The following FSTL5 variants were observed in gnomAD, a reference collection of about 807,000 sequenced individuals.
FSTL5 encodes follistatin-related protein 5.
In FSTL5, 62 loss-of-function variants were observed where a neutral mutation model predicts 89.1. That is an observed-to-expected ratio of 0.70 (90% CI 0.57 to 0.86). The LOEUF is 0.86. Ranked by LOEUF, FSTL5 falls within the 40% of genes least tolerant of loss-of-function variation. The pLI is 0.00. For missense variants in FSTL5, 1,057 were observed against 1,001.6 expected (o/e 1.06, Z -0.75); for synonymous variants, 383 against 346.2 (o/e 1.11, Z -1.18).
chr4:161,652,684 T>G (rs1248340453), intron 7 of FSTL5, among the ~76,000 whole-genome samples: 1 of 152,000 alleles, frequency 6.6e-6, no homozygotes, highest in African/African-American at 2.4e-5. Context: ...AATATAAAAA[T>G]GAGGGGATAC....
intron 3 of FSTL5, among the ~76,000 whole-genome samples, chr4:162,032,198 T>G (rs189572730): frequency 2.2e-4 from 34 of 152,254 alleles, no homozygotes; most frequent in African/African-American, 8.2e-4. Flanking sequence ...TAAAATAAGT[T>G]ATTGTATTTT....
intron 6 of FSTL5, among the ~76,000 whole-genome samples, chr4:161,711,351 A>C (rs971622560): frequency 3.3e-5 from 5 of 152,220 alleles, no homozygotes; most frequent in Admixed American, 3.3e-4. Context: ...TAAAGAAAAC[A>C]AAAAGAATTG....
chr4:162,071,319 G>T (rs1183271183), intron 2 of FSTL5, among the ~76,000 whole-genome samples: 1 of 151,402 alleles, frequency 6.6e-6, no homozygotes, highest in Non-Finnish European at 1.5e-5. Flanking sequence ...CATGCAAATG[G>T]AAATCAAAAG....
chr4:162,159,144 T>C (rs1279368307), intron 1 of FSTL5, among the ~76,000 whole-genome samples: 1 of 152,070 alleles, frequency 6.6e-6, no homozygotes, highest in African/African-American at 2.4e-5. Flanking sequence ...TAATAATAAC[T>C]CAAGAGACAA....
intron 3 of FSTL5, among the ~76,000 whole-genome samples, chr4:162,030,710 T>C (rs903093619): frequency 6.6e-5 from 10 of 152,226 alleles, no homozygotes; most frequent in East Asian, 1.9e-4. Context: ...CATAAATCTT[T>C]TAAATTATTT....
At chr4:161,796,636 GT>G (rs1162858753) in intron 4 of FSTL5, among the ~76,000 whole-genome samples, 2 of 151,184 alleles carry the variant, frequency 1.3e-5, no homozygotes, top group African/African-American at 2.4e-5. Flanking sequence ...TTTCCAGAAA[GT>G]TTTTTTCATT....
At chr4:161,425,284 T>C (rs1032780412) in intron 15 of FSTL5, among the ~76,000 whole-genome samples, 19 of 152,198 alleles carry the variant, frequency 1.2e-4, no homozygotes, top group African/African-American at 4.3e-4. Flanking sequence ...AATATATATA[T>C]ATCTCCAGAA....
chr4:161,908,347 C>G (rs890401974), intron 4 of FSTL5, among the ~76,000 whole-genome samples: 1 of 151,906 alleles, frequency 6.6e-6, no homozygotes, highest in Non-Finnish European at 1.5e-5. Context: ...GACACACATA[C>G]GAACATACTT....
At chr4:161,774,703 A>G (rs754687621) in intron 5 of FSTL5, among the ~76,000 whole-genome samples, 21 of 152,174 alleles carry the variant, frequency 1.4e-4, no homozygotes, top group Non-Finnish European at 2.5e-4. Flanking sequence ...AAATAACAAT[A>G]TATATGTTAG....
intron 4 of FSTL5, among the ~76,000 whole-genome samples, chr4:161,899,817 G>A (rs761564451): frequency 6.6e-6 from 1 of 152,120 alleles, no homozygotes; most frequent in East Asian, 1.9e-4. Context: ...CTAACAGATT[G>A]TATTTAGTGA....
intron 15 of FSTL5, among the ~76,000 whole-genome samples, chr4:161,414,154 T>C (rs967690008): frequency 6.6e-6 from 1 of 152,200 alleles, no homozygotes; most frequent in African/African-American, 2.4e-5. Context: ...AATAATTTAA[T>C]TTTAAATATT....
intron 6 of FSTL5, among the ~76,000 whole-genome samples, chr4:161,667,483 T>C (rs542344726): frequency 7.0e-4 from 107 of 152,150 alleles, no homozygotes; most frequent in African/African-American, 2.4e-3. Context: ...TCTAAGTACA[T>C]TGTAGGTAAC....
chr4:161,875,371 C>T (rs986252283), intron 4 of FSTL5, among the ~76,000 whole-genome samples: 1 of 152,184 alleles, frequency 6.6e-6, no homozygotes. Flanking sequence ...ACCCTAGCCT[C>T]TGGTTGGTTG....
intron 7 of FSTL5, among the ~76,000 whole-genome samples, chr4:161,649,112 A>C (rs6833507): frequency 0.2 from 30,460 of 152,100 alleles, 3,244 homozygotes; most frequent in Middle Eastern, 0.35. Context: ...ACAACTACAC[A>C]ACTGAACACC....
At chr4:162,001,162 T>C (rs1229611976) in intron 3 of FSTL5, among the ~76,000 whole-genome samples, 2 of 152,170 alleles carry the variant, frequency 1.3e-5, no homozygotes, top group East Asian at 3.9e-4. Context: ...TAATCACAAA[T>C]AAGAATTAGC....
chr4:161,625,532 G>T (rs1326660723), intron 7 of FSTL5, among the ~76,000 whole-genome samples: 1 of 152,032 alleles, frequency 6.6e-6, no homozygotes. Context: ...TCACCGACTG[G>T]CCAATACTTC....
intron 7 of FSTL5, among the ~76,000 whole-genome samples, chr4:161,590,633 C>T (rs1733780795): frequency 6.6e-6 from 1 of 152,090 alleles, no homozygotes; most frequent in Admixed American, 6.5e-5. Flanking sequence ...GAACAATAAG[C>T]ACATAAAAGC....
intron 8 of FSTL5, among the ~76,000 whole-genome samples, chr4:161,584,627 T>G (rs1733545318): frequency 6.6e-6 from 1 of 152,184 alleles, no homozygotes; most frequent in African/African-American, 2.4e-5. Context: ...TGTTCTTGAT[T>G]TTTTCACTTT....
rs147792066 is a variant in FSTL5, at chr4:161,878,702, A to G, written c.409+41702T>C. On this transcript the variant is annotated intron_variant, in intron 4 of 15. Transcript: ENST00000306100. The stretch of plus-strand genomic sequence containing the variant: ...AGAATATCCCTAGTAGCCAACACCA[A>G]AAGTGAAACATCAGGTTTACTATAT... Among the ~76,000 whole-genome samples the G allele has an allele frequency of 2.7e-3, 414 of 152,288 alleles. 2 individuals are homozygous for G. Among genetic ancestry groups the G allele is most frequent in the African/African-American group, 9.4e-3 (389 of 41,576 alleles).
Sources: gnomAD v4.1 joint callset for allele counts (sites outside exome capture counted in the v4.1 genomes callset) on GRCh38, gnomAD v4.1.1 for gene constraint, MANE v1.5 for transcripts, NCBI Gene and HGNC (gene_info 2026-07-23, HGNC 2026-07-21) for gene names.